Variants in LOC128125822 observed in about 807,000 individuals in gnomAD.
chr6:63,583,539 TTATA>T, the LOC128125822 span: 7 of 152,210 alleles, frequency 4.6e-5, no homozygotes, highest in African/African-American at 1.7e-4. Context: ...GATTTTATAA[TTATA>T]TATATTGCCG....
At chr6:63,577,951 G>T in the LOC128125822 span, among the ~76,000 whole-genome samples, 1 of 149,856 alleles carries the variant, frequency 6.7e-6, no homozygotes. Context: ...GTTTTAAATG[G>T]TATGTGGGCT....
the LOC128125822 span, among the ~76,000 whole-genome samples, chr6:63,574,899 AT>A: frequency 6.6e-6 from 1 of 152,178 alleles, no homozygotes; most frequent in Non-Finnish European, 1.5e-5. Flanking sequence ...TAGACACTTA[AT>A]TTTTTAACCC....
the LOC128125822 span, chr6:63,582,163 T>G: frequency 6.6e-6 from 1 of 152,072 alleles, no homozygotes; most frequent in Non-Finnish European, 1.5e-5. Flanking sequence ...TAATCACAAA[T>G]TTTTGGCTAA....
chr6:63,580,196 TG>T, the LOC128125822 span: 1 of 1,546,418 alleles, frequency 6.5e-7, no homozygotes, highest in Non-Finnish European at 8.9e-7. Context: ...CTAATGCTAC[TG>T]GAAGTGGAAC....
the LOC128125822 span, chr6:63,581,240 T>C: frequency 6.6e-6 from 1 of 152,612 alleles, no homozygotes; most frequent in African/African-American, 2.4e-5. Flanking sequence ...TTTTGAGCTG[T>C]GTAACTTAAT....
chr6:63,580,045 T>G, the LOC128125822 span: 2 of 1,587,218 alleles, frequency 1.3e-6, no homozygotes, highest in Non-Finnish European at 1.7e-6. Flanking sequence ...TTTTTTTTTT[T>G]TTTCCTCCCA....
the LOC128125822 span, among the ~76,000 whole-genome samples, chr6:63,575,046 G>A: frequency 6.6e-6 from 1 of 152,144 alleles, no homozygotes; most frequent in Non-Finnish European, 1.5e-5. Flanking sequence ...AAAGTAGACT[G>A]GGTTTTTGAC....
the LOC128125822 span, among the ~76,000 whole-genome samples, chr6:63,576,025 TA>T: frequency 6.6e-6 from 1 of 151,502 alleles, no homozygotes; most frequent in Non-Finnish European, 1.5e-5. Context: ...ACATAAAGTG[TA>T]TGTAATTACA....
chr6:63,578,411 A>AT, the LOC128125822 span: 4 of 1,595,350 alleles, frequency 2.5e-6, no homozygotes, highest in South Asian at 4.5e-5. Flanking sequence ...AAACATTAAG[A>AT]TTTTTTTAAT....
the LOC128125822 span, among the ~76,000 whole-genome samples, chr6:63,579,682 C>T: frequency 6.6e-6 from 1 of 152,178 alleles, no homozygotes; most frequent in Admixed American, 6.5e-5. Context: ...AATTAACCAT[C>T]CAATACAACA....
At chr6:63,577,475 G>A in the LOC128125822 span, among the ~76,000 whole-genome samples, 1 of 152,104 alleles carries the variant, frequency 6.6e-6, no homozygotes, top group African/African-American at 2.4e-5. Context: ...ATAATATATC[G>A]GGATGTGCAC....
chr6:63,577,701 C>T, the LOC128125822 span, among the ~76,000 whole-genome samples: 1 of 152,108 alleles, frequency 6.6e-6, no homozygotes, highest in Non-Finnish European at 1.5e-5. Context: ...AGACTACAGG[C>T]GTACGCCACC....
the LOC128125822 span, chr6:63,580,220 C>T: frequency 2.5e-5 from 35 of 1,421,522 alleles, 1 homozygote; most frequent in South Asian, 4.0e-4. Flanking sequence ...GAGATAGGGC[C>T]TAATTTGTTA....
the LOC128125822 span, chr6:63,578,632 A>C: frequency 7.8e-6 from 11 of 1,412,966 alleles, no homozygotes; most frequent in Admixed American, 3.1e-5. Context: ...AATAGACCTC[A>C]AAAAGCTAAA....
At chr6:63,576,919 A>T in the LOC128125822 span, 2 of 1,614,032 alleles carry the variant, frequency 1.2e-6, no homozygotes, top group African/African-American at 1.3e-5. Flanking sequence ...TGGAAGTCAC[A>T]TACAAGAACA....
the LOC128125822 span, among the ~76,000 whole-genome samples, chr6:63,572,936 G>C: frequency 6.6e-6 from 1 of 152,186 alleles, no homozygotes; most frequent in African/African-American, 2.4e-5. Context: ...GGGGCTGCGG[G>C]GTGGCGGTTG....
the LOC128125822 span, chr6:63,580,182 G>T: frequency 1.2e-5 from 19 of 1,586,180 alleles, no homozygotes; most frequent in Admixed American, 5.0e-5. Flanking sequence ...TAAAATTGGG[G>T]TGCCTAATGC....
chr6:63,574,309 C>A, the LOC128125822 span, among the ~76,000 whole-genome samples: 2 of 152,176 alleles, frequency 1.3e-5, no homozygotes, highest in Non-Finnish European at 2.9e-5. Flanking sequence ...AGAGATTACT[C>A]TTTCCTCCTC....
the LOC128125822 span, chr6:63,580,870 A>G: frequency 6.5e-6 from 1 of 152,720 alleles, no homozygotes; most frequent in East Asian, 1.9e-4. Context: ...CAGACAAAAA[A>G]GCCTTACATT....
Sources: gnomAD v4.1 joint callset for allele counts (sites outside exome capture counted in the v4.1 genomes callset) on GRCh38, gnomAD v4.1.1 for gene constraint, MANE v1.5 for transcripts.